CCDC18: variants seen among roughly 807,000 people sequenced by gnomAD.
The protein encoded by CCDC18 is coiled-coil domain containing 18, also known as coiled-coil domain-containing protein 18.
Under a neutral mutation model 196.0 loss-of-function variants are expected in CCDC18, and 157 were observed. The ratio of observed to expected loss-of-function variants is 0.80; its 90% CI spans 0.70 to 0.91. CCDC18 has a LOEUF of 0.91. Among genes scored for constraint, CCDC18 ranks in the 40% least tolerant of loss-of-function variants. The pLI is 0.00. For missense variants in CCDC18, 1,465 were observed against 1,611.6 expected, an observed-to-expected ratio of 0.91 and a Z score of 1.56; for synonymous variants, 482 against 529.2, an observed-to-expected ratio of 0.91 and a Z score of 1.22.
At position 93,196,510 on chromosome 1, in the gene CCDC18, TAA is replaced by T. The variant is rs1283595177; in HGVS notation, c.698+2768_698+2769del. Reference sequence around the variant, plus strand: ...ATAAAGACTCTAAACCAGCAAGATATAAAGACTCTAAACTTATATGTATCTAA... The same window carrying T: ...ATAAAGACTCTAAACCAGCAAGATATAGACTCTAAACTTATATGTATCTAA... On this transcript the variant is annotated intron_variant, in intron 6 of 28. Transcript: ENST00000690025. Among the ~76,000 whole-genome samples, 4 of 152,248 alleles carry T rather than the reference TAA, an allele frequency of 2.6e-5. No homozygotes were observed. In the East Asian group the frequency reaches 7.7e-4, roughly 29 times the overall value.
chr1:93,261,328 A>C (rs1663760672), intron 26 of CCDC18, among the ~76,000 whole-genome samples: 1 of 152,158 alleles, frequency 6.6e-6, no homozygotes, highest in African/African-American at 2.4e-5. Flanking sequence ...TAGTATAAAT[A>C]GTATATACAT....
intron 3 of CCDC18, among the ~76,000 whole-genome samples, chr1:93,184,602 GA>G (rs1237239519): frequency 3.0e-5 from 3 of 101,450 alleles, no homozygotes; most frequent in Non-Finnish European, 5.2e-5. Flanking sequence ...TGCTTGGTCT[GA>G]AACTCTCTTC....
At position 93,217,986 on chromosome 1, in the gene CCDC18, C is replaced by G. The variant is rs506556; in HGVS notation, c.1962+117C>G. 131,801 of 784,054 alleles carry G rather than the reference C, an allele frequency of 0.17. 12,867 individuals are homozygous for G. The highest frequency in any genetic ancestry group is 0.3 in the African/African-American group (17,278 of 57,314). The allele number at this position is 784,054 out of a possible 1,614,324, so 48.6% of individuals were successfully genotyped here. A position where few individuals can be genotyped will look rare whatever the true frequency, so the allele number is the denominator to read the frequency against. Reference sequence around the variant, plus strand: ...GATACACAAAAGTTAGTGGCAAGAGCTGTAATTAGAATCCCAATCTTTCTG... The same window carrying G: ...GATACACAAAAGTTAGTGGCAAGAGGTGTAATTAGAATCCCAATCTTTCTG... On this transcript the variant is annotated intron_variant, in intron 14 of 28. Coordinates refer to ENST00000690025, the MANE Select transcript of CCDC18 (RefSeq NM_001378204.1).
At chr1:93,247,142 C>A (rs1661592492) in intron 23 of CCDC18, among the ~76,000 whole-genome samples, 188 bp downstream of exon 23, 1 of 152,016 alleles carries the variant, frequency 6.6e-6, no homozygotes, top group Non-Finnish European at 1.5e-5. Context: ...CTCACTGCAG[C>A]CTCGAGTTCC....
chr1:93,237,876 G>C (rs1660268792), intron 19 of CCDC18, among the ~76,000 whole-genome samples: 1 of 152,060 alleles, frequency 6.6e-6, no homozygotes, highest in Admixed American at 6.6e-5. Flanking sequence ...TACTCCCATG[G>C]AATTTATCTT....
chr1:93,272,267 C>T lies in CCDC18; in HGVS notation c.4353+1453C>T, dbSNP rs557079724. On this transcript the variant is annotated intron_variant, in intron 28 of 28. Coordinates refer to ENST00000690025, the MANE Select transcript of CCDC18 (RefSeq NM_001378204.1). ...CTGTGTGGAGAGGGTATGGTCATTT[C>T]GCTTATTTCTATATTTCTAGTGCCT... is the stretch of plus-strand genomic sequence containing the variant. Among the ~76,000 whole-genome samples, 11 of 152,212 alleles carry T rather than the reference C, an allele frequency of 7.2e-5. No homozygotes were observed. The South Asian group carries it at 1.5e-3, about 20-fold the overall frequency.
chr1:93,233,460 C>A (rs562210911), intron 18 of CCDC18, among the ~76,000 whole-genome samples: 1 of 152,056 alleles, frequency 6.6e-6, no homozygotes, highest in South Asian at 2.1e-4. Flanking sequence ...AGAAAATGAT[C>A]GTCCCCTGTA....
At chr1:93,204,803 G>C (rs1654455018) in intron 7 of CCDC18, among the ~76,000 whole-genome samples, 1 of 151,836 alleles carries the variant, frequency 6.6e-6, no homozygotes, top group Non-Finnish European at 1.5e-5. Context: ...GAAATCTTAA[G>C]TGTGAATTAG....
Position 93,212,082 on chromosome 1 carries a change from T to C in CCDC18, c.1335-19T>C. On this transcript the variant is annotated intron_variant, in intron 10 of 28. Coordinates refer to ENST00000690025, the MANE Select transcript of CCDC18 (RefSeq NM_001378204.1). The stretch of plus-strand genomic sequence containing the variant: ...TAGAATCTTTCTAATAATTTTTCCC[T>C]TCTTTTCTTTTGTGCCAGAATTAAG... 6.3e-7 allele frequency: 1 copy of C among 1,584,404 alleles called. No homozygotes were observed. The highest frequency in any genetic ancestry group is 8.5e-7 in the Non-Finnish European group (1 of 1,170,066).
intron 17 of CCDC18, among the ~76,000 whole-genome samples, 170 bp downstream of exon 17, chr1:93,226,619 T>C (rs1024673947): frequency 6.6e-6 from 1 of 151,880 alleles, no homozygotes; most frequent in African/African-American, 2.4e-5. Context: ...CTTGAACCTC[T>C]GCCTCCTGGG....
At chr1:93,191,558 A>T (rs1162294919) in intron 4 of CCDC18, among the ~76,000 whole-genome samples, 1 of 152,152 alleles carries the variant, frequency 6.6e-6, no homozygotes, top group East Asian at 1.9e-4. Flanking sequence ...TCTCTTTATT[A>T]TACAGATTGT....
intron 28 of CCDC18, among the ~76,000 whole-genome samples, chr1:93,272,053 TAACATCATTTTCAAACACATCAAG>T (rs1448971013): frequency 1.3e-5 from 2 of 152,220 alleles, no homozygotes; most frequent in Non-Finnish European, 2.9e-5. Flanking sequence ...AAAAAATGCC[TAACATCATTTTCAAACACATCAAG>T]ATAGCTTTGG....
rs574344082 is a variant in CCDC18, at chr1:93,276,172, C to T, written c.4354-2291C>T. Among the ~76,000 whole-genome samples the T allele has an allele frequency of 1.1e-4, 17 of 152,276 alleles. No individual in the cohort carries two copies. The East Asian group carries it at 1.9e-3, about 17-fold the overall frequency. ...GGTACAATGAAAAGAATGTGGAAAC[C>T]GATACATGAGAAGTGTTTAATAAGT... On this transcript the variant is annotated intron_variant, in intron 28 of 28. Transcript: ENST00000690025.
chr1:93,187,526 G>C lies in CCDC18; in HGVS notation c.462+1023G>C, dbSNP rs74535721. Among the ~76,000 whole-genome samples, 28 of 152,204 alleles carry C rather than the reference G, an allele frequency of 1.8e-4. 2 individuals carry two copies. The East Asian group carries it at 5.2e-3, about 28-fold the overall frequency. On this transcript the variant is annotated intron_variant, in intron 4 of 28. Transcript: ENST00000690025. ...TCACACTGTTGATAATTTCGAGAGA[G>C]ACTGGAAGGTTGGAGTGAGGCTTTC...
chr1:93,264,408 A>G (rs1285141637), intron 26 of CCDC18, among the ~76,000 whole-genome samples: 2 of 152,188 alleles, frequency 1.3e-5, no homozygotes, highest in East Asian at 3.8e-4. Flanking sequence ...ATCATTGTTC[A>G]CATTTCCCCA....
intron 23 of CCDC18, among the ~76,000 whole-genome samples, chr1:93,250,378 C>CAAAAAAAAA (rs71094242): frequency 2.2e-5 from 2 of 89,410 alleles, no homozygotes; most frequent in South Asian, 4.3e-4. Context: ...GAGACCCTGT[C>CAAAAAAAAA]AAAAAAAAAA....
intron 25 of CCDC18, among the ~76,000 whole-genome samples, chr1:93,257,540 T>C (rs1252335657): frequency 1.3e-5 from 2 of 152,088 alleles, no homozygotes; most frequent in African/African-American, 2.4e-5. Context: ...TTTCCATGGT[T>C]TAATTCAATT....
Position 93,236,272 on chromosome 1 carries a change from C to G in CCDC18, c.2485C>G (p.Gln829Glu), listed in dbSNP as rs1660058134. The G allele has an allele frequency of 6.4e-7, 1 of 1,574,734 alleles. No individual in the cohort carries two copies. Among genetic ancestry groups the G allele is most frequent in the Non-Finnish European group, 8.6e-7 (1 of 1,168,556 alleles). The change falls in exon 19 of 29, where the codon CAA becomes GAA. Residue 829 changes from glutamine (Q) to glutamate (E), a missense_variant. By Grantham distance (29) the Gln-to-Glu change is conservative. Transcript: ENST00000690025. ...GGTGTCAAAACTGGAACAAGAACTT[C>G]AAAAACAAAGGGAAAGTTCAGCTGA... is the stretch of plus-strand genomic sequence containing the variant. ...KQVSKLEQELQKQRESSAEKL... is the reference protein window; with the variant it reads ...KQVSKLEQELEKQRESSAEKL...
In CCDC18 at chr1:93,264,748, C is replaced by T. The variant is rs779073115; in HGVS notation, c.3732C>T (p.Asp1244=). 61 of 1,612,924 alleles carry T rather than the reference C, an allele frequency of 3.8e-5. No individual in the cohort carries two copies. The highest frequency in any genetic ancestry group is 4.7e-5 in the Non-Finnish European group (55 of 1,179,270). Residue 1244 remains aspartate, a synonymous_variant, in exon 27 of 29, where the codon GAC becomes GAT. Transcript: ENST00000690025. ...ENHAKWKISA[D]SQKSSVQQLN... ...ATGCAAAGTGGAAGATTTCTGCTGA[C>T]TCTCAAAAGTCTTCTGTTCAGCAAC...
Sources: allele counts gnomAD v4.1 joint callset (sites outside exome capture counted in the v4.1 genomes callset), GRCh38; gene constraint gnomAD v4.1.1; transcripts MANE v1.5; gene names NCBI Gene and HGNC (gene_info 2026-07-23, HGNC 2026-07-21).